The following ABCG2 variants were observed in gnomAD, a reference collection of about 807,000 sequenced individuals.
The protein encoded by ABCG2 is broad substrate specificity ATP-binding cassette transporter ABCG2.
A neutral mutation model predicts 73.5 loss-of-function variants in ABCG2; 80 were observed. The ratio of observed to expected loss-of-function variants is 1.09; its 90% CI spans 0.91 to 1.31. The LOEUF (loss-of-function observed/expected upper bound fraction) is 1.31. ABCG2 is among the 50% of genes most tolerant of loss of function. The probability of loss-of-function intolerance (pLI) is 0.00; values close to 1 mark genes in which losing one functional copy is unlikely to be tolerated. For missense variants in ABCG2, 796 were observed against 786.2 expected (o/e 1.01, Z -0.15); for synonymous variants, 269 against 282.4 (o/e 0.95, Z 0.48).
chr4:88,214,436 A>T (rs147171192), intron 1 of ABCG2, among the ~76,000 whole-genome samples: 1 of 152,146 alleles, frequency 6.6e-6, no homozygotes, highest in Admixed American at 6.5e-5. Flanking sequence ...AATCAGAACG[A>T]TGAGACACAT....
chr4:88,097,428 C>T, intron 13 of ABCG2, 25 bp downstream of exon 13: 2 of 1,604,534 alleles, frequency 1.2e-6, no homozygotes, highest in East Asian at 4.5e-5. Context: ...AATTCCTTAT[C>T]AGAGCAAACA....
intron 9 of ABCG2, among the ~76,000 whole-genome samples, chr4:88,110,206 T>C (rs907491935): frequency 6.6e-6 from 1 of 152,164 alleles, no homozygotes; most frequent in Non-Finnish European, 1.5e-5. Context: ...TGCCAATGTA[T>C]AATGTTTCAT....
chr4:88,127,621 C>A (rs1724523835), intron 5 of ABCG2, among the ~76,000 whole-genome samples: 1 of 152,102 alleles, frequency 6.6e-6, no homozygotes, highest in Admixed American at 6.6e-5. Context: ...TAATGCCACA[C>A]ATCTACAACC....
chr4:88,175,990 G>A (rs1727950097), intron 1 of ABCG2, among the ~76,000 whole-genome samples: 1 of 152,208 alleles, frequency 6.6e-6, no homozygotes, highest in Non-Finnish European at 1.5e-5. Context: ...TGTATGCCAT[G>A]TTTCCAATCC....
At chr4:88,099,809 C>T (rs760052616) in intron 11 of ABCG2, among the ~76,000 whole-genome samples, 5 of 152,174 alleles carry the variant, frequency 3.3e-5, no homozygotes, top group Non-Finnish European at 7.3e-5. Flanking sequence ...AACAGCACTT[C>T]AGTAGCCGAT....
chr4:88,177,359 C>A (rs1294355067), intron 1 of ABCG2, among the ~76,000 whole-genome samples: 1 of 149,892 alleles, frequency 6.7e-6, no homozygotes, highest in Non-Finnish European at 1.5e-5. Flanking sequence ...GGCGACAGAG[C>A]GAGACTCCGT....
At position 88,099,436 on chromosome 4, in the gene ABCG2, G is replaced by A; in HGVS notation, c.1380C>T (p.Ile460=). The A allele has an allele frequency of 6.2e-7, 1 of 1,604,036 alleles. No individual in the cohort carries two copies. Residue 460 remains isoleucine, a synonymous_variant, in exon 12 of 16, where the codon ATC becomes ATT. Transcript: ENST00000237612. The stretch of plus-strand genomic sequence containing the variant: ...AAGATGACACTCTGTAGTATCCGCT[G>A]ATGTATTCATGTCTATAGAACAAAA... The part of the protein sequence containing the change: ...VEKKLFIHEY[I]SGYYRVSSYF...
intron 1 of ABCG2, among the ~76,000 whole-genome samples, chr4:88,202,335 AC>A (rs1328328413): frequency 2.2e-5 from 1 of 45,978 alleles, no homozygotes; most frequent in East Asian, 1.0e-3. Flanking sequence ...ACATAGGAGG[AC>A]CCCATCTCTA....
intron 1 of ABCG2, among the ~76,000 whole-genome samples, chr4:88,212,202 G>A (rs1183448443): frequency 6.6e-6 from 1 of 152,126 alleles, no homozygotes; most frequent in African/African-American, 2.4e-5. Flanking sequence ...ATTCTGAGAT[G>A]AGCGACTACC....
intron 1 of ABCG2, among the ~76,000 whole-genome samples, chr4:88,178,265 T>A (rs953043364): frequency 6.6e-6 from 1 of 151,836 alleles, no homozygotes; most frequent in Non-Finnish European, 1.5e-5. Flanking sequence ...CCAGTCAGAG[T>A]TGTGAGGCCC....
chr4:88,215,560 G>A (rs1349314095), intron 1 of ABCG2, among the ~76,000 whole-genome samples: 1 of 152,226 alleles, frequency 6.6e-6, no homozygotes, highest in Non-Finnish European at 1.5e-5. Flanking sequence ...GTAGGTCACA[G>A]CTGTTGCTGG....
At chr4:88,212,681 T>C (rs1176762638) in intron 1 of ABCG2, among the ~76,000 whole-genome samples, 1 of 152,122 alleles carries the variant, frequency 6.6e-6, no homozygotes, top group Non-Finnish European at 1.5e-5. Flanking sequence ...CCTCACTGCT[T>C]TCTTTAGTCA....
chr4:88,120,251 G>A (rs1723877075), intron 6 of ABCG2, among the ~76,000 whole-genome samples: 1 of 152,242 alleles, frequency 6.6e-6, no homozygotes, highest in African/African-American at 2.4e-5. Flanking sequence ...CCCTCATGGA[G>A]AACCTCTGCT....
upstream of ABCG2, chr4:88,158,974 GCCCCGACTGCC>G (rs1397667679): frequency 2.8e-6 from 1 of 359,646 alleles, no homozygotes; most frequent in Non-Finnish European, 5.5e-6. Context: ...GTGAGGCGTG[GCCCCGACTGCC>G]GGGCCGCGAT....
intron 1 of ABCG2, among the ~76,000 whole-genome samples, chr4:88,150,970 C>T (rs183991060): frequency 1.7e-3 from 255 of 152,300 alleles, no homozygotes; most frequent in African/African-American, 5.8e-3. Flanking sequence ...CTGACCTCCT[C>T]TTACACTGCC....
At chr4:88,231,396 A>G (rs1730458816), upstream of ABCG2, 1 of 152,222 alleles carries the variant, frequency 6.6e-6, no homozygotes. Flanking sequence ...TAATGGTTCC[A>G]GTCAGCGTGG....
chr4:88,143,487 AT>A (rs1276221850), intron 1 of ABCG2, among the ~76,000 whole-genome samples: 1 of 152,232 alleles, frequency 6.6e-6, no homozygotes, highest in Non-Finnish European at 1.5e-5. Flanking sequence ...GTTTCCACAA[AT>A]AAAAGGCAAC....
At position 88,205,775 on chromosome 4, in the gene ABCG2, C is replaced by T. The variant is rs528449042; in HGVS notation, c.-20+25219G>A. 3.3e-5 allele frequency among the ~76,000 whole-genome samples: 5 copies of T among 152,282 alleles called. No individual in the cohort carries two copies. The East Asian group carries it at 5.8e-4, about 18-fold the overall frequency. On this transcript the variant is annotated intron_variant, in intron 1 of 15. Coordinates refer to the ABCG2 transcript ENST00000515655. The stretch of plus-strand genomic sequence containing the variant: ...TCAGCTCACTGCAACCTCTGCCTCC[C>T]GGGCTCAAGCAATTCTCCTGCATCA...
chr4:88,128,548 A>G (rs1724600318), intron 5 of ABCG2, among the ~76,000 whole-genome samples: 1 of 152,228 alleles, frequency 6.6e-6, no homozygotes. Context: ...TAGACTGAAT[A>G]AAGAAAATGT....
Sources: gnomAD v4.1 joint callset for allele counts (sites outside exome capture counted in the v4.1 genomes callset) on GRCh38, gnomAD v4.1.1 for gene constraint, MANE v1.5 for transcripts, NCBI Gene and HGNC (gene_info 2026-07-23, HGNC 2026-07-21) for gene names.